Variants in CNTNAP2 observed in about 807,000 individuals in gnomAD.
The protein encoded by CNTNAP2 is contactin-associated protein-like 2.
In CNTNAP2, 98 loss-of-function variants were observed where a neutral mutation model predicts 155.2. The ratio of observed to expected loss-of-function variants is 0.63; its 90% CI spans 0.54 to 0.75. The LOEUF is 0.75. CNTNAP2 is among the 30% of genes least tolerant of loss of function. The pLI, the probability that CNTNAP2 is intolerant of heterozygous loss-of-function variation, is 0.00. For missense variants in CNTNAP2, 1,727 were observed against 1,688.1 expected (o/e 1.02, Z -0.40); for synonymous variants, 651 against 631.2 (o/e 1.03, Z -0.47).
At chr7:148,373,431 G>A (rs1173203399) in intron 21 of CNTNAP2, among the ~76,000 whole-genome samples, 1 of 152,166 alleles carries the variant, frequency 6.6e-6, no homozygotes, top group Non-Finnish European at 1.5e-5. Context: ...CTCCAGCCTG[G>A]ACGACAGAGC....
rs143190081 is a variant in CNTNAP2 at position 146,817,825 on chromosome 7, C to T, written c.209-21886C>T. Among the ~76,000 whole-genome samples the T allele has an allele frequency of 1.6e-3, 248 of 152,000 alleles. 1 individual carries two copies. Among genetic ancestry groups the T allele is most frequent in the African/African-American group, 5.7e-3 (236 of 41,468 alleles). On this transcript the variant is annotated intron_variant, in intron 2 of 23. Coordinates refer to ENST00000361727, the MANE Select transcript of CNTNAP2 (RefSeq NM_014141.6). ...TCACCAGGCTTCACCTCCAACATTG[C>T]GGATTACAAGTCGACATGAGATTTG... is the stretch of plus-strand genomic sequence containing the variant.
At position 148,418,882 on chromosome 7, in the gene CNTNAP2, GA is replaced by G. The variant is rs1211541798; in HGVS notation, c.*3271del. On this transcript the variant is annotated 3_prime_UTR_variant, in exon 24 of 24. Coordinates refer to ENST00000361727, the MANE Select transcript of CNTNAP2 (RefSeq NM_014141.6). ...CAAGAGCAGGAATTCAGAGGCACAA[GA>G]AAAAGCATTGGCATGAGCCAAAGAG... is the stretch of plus-strand genomic sequence containing the variant. The G allele has an allele frequency of 6.6e-6, 1 of 152,226 alleles. No homozygotes were observed. The highest frequency in any genetic ancestry group is 1.5e-5 in the Non-Finnish European group (1 of 68,044). 9.4% of individuals were successfully genotyped at this position (152,226 alleles called of 1,614,324 possible).
At chr7:147,737,466 G>A (rs7809690) in intron 13 of CNTNAP2, among the ~76,000 whole-genome samples, 16,897 of 152,104 alleles carry the variant, frequency 0.11, 2,845 homozygotes, top group African/African-American at 0.37. Flanking sequence ...GCTACTCCTG[G>A]GTCAGGGACC....
At chr7:147,606,014 C>T (rs916622387) in intron 12 of CNTNAP2, among the ~76,000 whole-genome samples, 9 of 152,074 alleles carry the variant, frequency 5.9e-5, no homozygotes, top group East Asian at 5.8e-4. Context: ...AGTCTAACAA[C>T]GGTTCAGGTA....
intron 4 of CNTNAP2, among the ~76,000 whole-genome samples, chr7:147,060,153 A>G (rs1286002242): frequency 1.3e-5 from 2 of 151,358 alleles, no homozygotes; most frequent in East Asian, 3.9e-4. Flanking sequence ...TAGTGGTGCC[A>G]TATTCTCAAA....
chr7:146,338,495 A>C (rs2129096084), intron 1 of CNTNAP2, among the ~76,000 whole-genome samples: 1 of 152,170 alleles, frequency 6.6e-6, no homozygotes, highest in South Asian at 2.1e-4. Context: ...TAGCCCATCT[A>C]ATTTTGGAAA....
chr7:146,388,429 T>C (rs1275919007), intron 1 of CNTNAP2, among the ~76,000 whole-genome samples: 1 of 152,116 alleles, frequency 6.6e-6, no homozygotes, highest in Non-Finnish European at 1.5e-5. Flanking sequence ...AGTGAGATTC[T>C]ATCTTTAAAA....
intron 1 of CNTNAP2, among the ~76,000 whole-genome samples, chr7:146,720,634 A>C (rs1314424374): frequency 1.3e-5 from 2 of 152,004 alleles, no homozygotes; most frequent in Non-Finnish European, 2.9e-5. Context: ...TAAAAAATAG[A>C]AATGACACCT....
At chr7:147,786,250 C>A (rs543549640) in intron 13 of CNTNAP2, among the ~76,000 whole-genome samples, 1 of 152,146 alleles carries the variant, frequency 6.6e-6, no homozygotes, top group African/African-American at 2.4e-5. Context: ...CCAGCCTGGG[C>A]GACACAGTGA....
rs780505252 is a variant in CNTNAP2 at position 147,562,251 on chromosome 7, A to G, written c.1891A>G (p.Met631Val). The part of the protein sequence containing the change: ...PLGPLKVYCN[M>V]TEDKVWTIVS... Reference sequence around the variant, plus strand: ...GGGGCCTCTGAAAGTTTACTGCAACATGACAGGTAACTGTGTCATATTTAT... The same window carrying G: ...GGGGCCTCTGAAAGTTTACTGCAACGTGACAGGTAACTGTGTCATATTTAT... The change falls in exon 12 of 24, where the codon ATG becomes GTG. Residue 631 changes from methionine to valine, a missense_variant. Physicochemically the swap from Met to Val is conservative, Grantham distance 21. Transcript: ENST00000361727. The G allele has an allele frequency of 6.2e-7, 1 of 1,613,938 alleles. No individual in the cohort carries two copies.
intron 11 of CNTNAP2, among the ~76,000 whole-genome samples, chr7:147,503,376 C>G (rs1798853027): frequency 6.6e-6 from 1 of 152,198 alleles, no homozygotes; most frequent in African/African-American, 2.4e-5. Context: ...ACAAATTAAT[C>G]TTGACAAATT....
At chr7:147,737,117 A>C (rs1413632881) in intron 13 of CNTNAP2, among the ~76,000 whole-genome samples, 4 of 152,018 alleles carry the variant, frequency 2.6e-5, no homozygotes, top group Non-Finnish European at 1.5e-5. Context: ...TAGAATTTTC[A>C]GTTTTTCTGC....
chr7:147,384,600 G>A (rs1312801019), intron 9 of CNTNAP2, among the ~76,000 whole-genome samples: 2 of 152,122 alleles, frequency 1.3e-5, no homozygotes, highest in African/African-American at 4.8e-5. Context: ...ATGTTCTTTA[G>A]TGGCCTGAAA....
intron 8 of CNTNAP2, among the ~76,000 whole-genome samples, chr7:147,170,440 G>T (rs1456848763): frequency 6.6e-6 from 1 of 152,090 alleles, no homozygotes; most frequent in Non-Finnish European, 1.5e-5. Context: ...TTGTTTGTTT[G>T]TTTGATGTTT....
At chr7:148,409,296 G>A in intron 22 of CNTNAP2, 95 bp from the exon 23 acceptor site, 1 of 957,560 alleles carries the variant, frequency 1.0e-6, no homozygotes, top group Admixed American at 1.8e-5. Context: ...GGGAAAACAG[G>A]AAGTGTTGAA....
chr7:147,488,545 TA>T lies in CNTNAP2; in HGVS notation c.1777+2505del, dbSNP rs1343781733. Among the ~76,000 whole-genome samples the T allele has an allele frequency of 3.3e-5, 4 of 122,704 alleles. No homozygotes were observed. In the South Asian group the frequency reaches 1.2e-3, roughly 35 times the overall value. 80.5% of individuals were successfully genotyped at this position (122,704 alleles called of 152,430 possible). The stretch of plus-strand genomic sequence containing the variant: ...AAATCATGCTAATTATTTTAAATAG[TA>T]TTTTTTTTTAAAAAAAGCAGCTAAC... On this transcript the variant is annotated intron_variant, in intron 11 of 23. Coordinates refer to ENST00000361727, the MANE Select transcript of CNTNAP2 (RefSeq NM_014141.6).
At chr7:147,170,258 C>A (rs1193268090) in intron 8 of CNTNAP2, among the ~76,000 whole-genome samples, 1 of 151,924 alleles carries the variant, frequency 6.6e-6, no homozygotes, top group African/African-American at 2.4e-5. Context: ...GTAGATGGTG[C>A]TTTAGAGCTA....
intron 13 of CNTNAP2, among the ~76,000 whole-genome samples, chr7:147,870,618 C>A (rs1403290459): frequency 6.6e-6 from 1 of 152,196 alleles, no homozygotes; most frequent in Admixed American, 6.5e-5. Flanking sequence ...GCAATCCTGG[C>A]ATTCAACATA....
chr7:147,489,935 C>A (rs1830342), intron 11 of CNTNAP2, among the ~76,000 whole-genome samples: 1 of 151,968 alleles, frequency 6.6e-6, no homozygotes, highest in Non-Finnish European at 1.5e-5. Context: ...ATATATACTA[C>A]TAGTTCCTTG....
Sources: gnomAD v4.1 joint callset for allele counts (sites outside exome capture counted in the v4.1 genomes callset) on GRCh38, gnomAD v4.1.1 for gene constraint, MANE v1.5 for transcripts, NCBI Gene and HGNC (gene_info 2026-07-23, HGNC 2026-07-21) for gene names.